RORA: variants seen among roughly 807,000 people sequenced by gnomAD.
RORA encodes the protein RAR related orphan receptor A.
A neutral mutation model predicts 69.5 loss-of-function variants in RORA; 7 were observed. The ratio of observed to expected loss-of-function variants is 0.10; its 90% confidence interval spans 0.06 to 0.19. The LOEUF is 0.19. Among genes scored for constraint, RORA ranks in the 10% least tolerant of loss-of-function variants. The pLI, the probability that RORA is intolerant of heterozygous loss-of-function variation, is 1.00. For missense variants in RORA, 457 were observed against 663.0 expected (o/e 0.69, Z 3.41); for synonymous variants, 261 against 240.8 (o/e 1.08, Z -0.78).
chr15:61,173,333 T>C (rs1194747431), intron 1 of RORA, among the ~76,000 whole-genome samples: 4 of 152,238 alleles, frequency 2.6e-5, no homozygotes, highest in Non-Finnish European at 5.9e-5. Flanking sequence ...GCAGCCTGAA[T>C]TCATCCATTC....
intron 1 of RORA, among the ~76,000 whole-genome samples, chr15:60,811,670 T>C (rs1451799037): frequency 6.6e-6 from 1 of 152,246 alleles, no homozygotes; most frequent in African/African-American, 2.4e-5. Context: ...CTTAATCCAC[T>C]GGAAAACTGA....
rs551712276 is a variant in RORA, at chr15:61,076,938, A to G, written c.166+152115T>C. On this transcript the variant is annotated intron_variant, in intron 1 of 10. Coordinates refer to ENST00000335670, the MANE Select transcript of RORA (RefSeq NM_134261.3). The stretch of plus-strand genomic sequence containing the variant: ...CCCTCTCCCTTGCTTGTTCAAAGTA[A>G]AAAAAAAAAAAGCCCTTAATTGCTT... Among the ~76,000 whole-genome samples the G allele has an allele frequency of 1.8e-4, 27 of 146,906 alleles. 1 individual carries two copies. In the South Asian group the frequency reaches 5.3e-3, roughly 29 times the overall value.
chr15:60,913,899 T>C lies in RORA; in HGVS notation c.167-235213A>G, dbSNP rs115847646. Among the ~76,000 whole-genome samples, 385 of 152,346 alleles carry C rather than the reference T, an allele frequency of 2.5e-3. 2 individuals are homozygous for C. The highest frequency in any genetic ancestry group is 8.9e-3 in the African/African-American group (369 of 41,574). On this transcript the variant is annotated intron_variant, in intron 1 of 10. Transcript: ENST00000335670. ...CCATCTCATAGTTCCCTCCAAACAA[T>C]TGACCACTCCTTTTGCCATGTCACT... is the stretch of plus-strand genomic sequence containing the variant.
intron 1 of RORA, among the ~76,000 whole-genome samples, chr15:61,049,794 G>A (rs1723656008): frequency 6.6e-6 from 1 of 152,008 alleles, no homozygotes; most frequent in East Asian, 1.9e-4. Context: ...TGAGTCGCTG[G>A]GATTATAGGC....
At chr15:60,820,141 G>A (rs1301139567) in intron 1 of RORA, among the ~76,000 whole-genome samples, 1 of 152,230 alleles carries the variant, frequency 6.6e-6, no homozygotes, top group Non-Finnish European at 1.5e-5. Context: ...ACAGGCTGAC[G>A]AGTGAGGCTG....
intron 1 of RORA, among the ~76,000 whole-genome samples, chr15:60,895,958 A>G (rs1891221895): frequency 6.6e-6 from 1 of 152,242 alleles, no homozygotes; most frequent in Admixed American, 6.5e-5. Context: ...TGCTAATCCC[A>G]AACCTTTTCA....
chr15:60,675,607 A>T (rs1318563313), intron 2 of RORA, among the ~76,000 whole-genome samples: 1 of 152,218 alleles, frequency 6.6e-6, no homozygotes, highest in Non-Finnish European at 1.5e-5. Context: ...GGAGAAACTG[A>T]GTTCTCCAAA....
chr15:61,008,201 C>CTG lies in RORA; in HGVS notation c.166+220851_166+220852insCA, dbSNP rs1388505353. Among the ~76,000 whole-genome samples, 435 of 106,682 alleles carry CTG rather than the reference C, an allele frequency of 4.1e-3. 3 individuals are homozygous for CTG. Among genetic ancestry groups the CTG allele is most frequent in the African/African-American group, 0.011 (359 of 32,042 alleles). 70.0% of individuals were successfully genotyped at this position (106,682 alleles called of 152,430 possible). A position where few individuals can be genotyped will look rare whatever the true frequency, so the allele number is the denominator to read the frequency against. On this transcript the variant is annotated intron_variant, in intron 1 of 10. Coordinates refer to ENST00000335670, the MANE Select transcript of RORA (RefSeq NM_134261.3). ...TAAAGAATTTCAAAATTCTCTCTCT[C>CTG]TCTGTGTGTGTGTGTGTGTGTGTGT...
intron 1 of RORA, among the ~76,000 whole-genome samples, chr15:60,704,984 C>T (rs1195640212): frequency 1.3e-5 from 2 of 152,084 alleles, no homozygotes; most frequent in African/African-American, 2.4e-5. Context: ...GTGTGACTGC[C>T]GAGGGTTGGC....
chr15:60,972,493 A>G lies in RORA; in HGVS notation c.166+256560T>C, dbSNP rs553598237. ...AGCTTGGAACTCACTGGTATGCATAAATTCTCCTGTTCGTTATGAGTATGG... is the reference window on the plus strand; with the variant it reads ...AGCTTGGAACTCACTGGTATGCATAGATTCTCCTGTTCGTTATGAGTATGG... On this transcript the variant is annotated intron_variant, in intron 1 of 10. Coordinates refer to ENST00000335670, the MANE Select transcript of RORA (RefSeq NM_134261.3). Among the ~76,000 whole-genome samples, 6 of 152,290 alleles carry G rather than the reference A, an allele frequency of 3.9e-5. No homozygotes were observed. In the East Asian group the frequency reaches 9.6e-4, roughly 24 times the overall value.
chr15:60,573,348 C>G (rs543762711), intron 2 of RORA, among the ~76,000 whole-genome samples: 2 of 152,316 alleles, frequency 1.3e-5, no homozygotes, highest in Non-Finnish European at 2.9e-5. Context: ...TTTCATACAT[C>G]TCTCAACACC....
At chr15:60,532,519 G>GA (rs1296595455) in intron 2 of RORA, among the ~76,000 whole-genome samples, 1 of 152,138 alleles carries the variant, frequency 6.6e-6, no homozygotes, top group Non-Finnish European at 1.5e-5. Context: ...TCCTGGTACA[G>GA]AGGGCATGTG....
intron 1 of RORA, among the ~76,000 whole-genome samples, chr15:60,681,049 AC>A (rs1436372399): frequency 6.6e-6 from 1 of 152,234 alleles, no homozygotes; most frequent in African/African-American, 2.4e-5. Context: ...ATACAAACAC[AC>A]AAAAGGCAAA....
At chr15:60,813,117 T>C (rs944354364) in intron 1 of RORA, among the ~76,000 whole-genome samples, 6 of 152,188 alleles carry the variant, frequency 3.9e-5, no homozygotes, top group Admixed American at 6.5e-5. Context: ...AAAGGCACCA[T>C]AGGAGAGAAA....
At chr15:60,582,592 G>A (rs1468386678) in intron 2 of RORA, among the ~76,000 whole-genome samples, 9 of 152,170 alleles carry the variant, frequency 5.9e-5, no homozygotes, top group Admixed American at 5.9e-4. Flanking sequence ...ACTGCGGACA[G>A]GGTGACTCAT....
Position 60,511,392 on chromosome 15 carries a change from G to A in RORA, c.654C>T (p.Val218=), listed in dbSNP as rs1460810028. ...GCTGTATGTCCAGGTAGAAGCTGCT[G>A]ACGGCGGAGTCTGCCTTACTCCCCT... The part of the protein sequence containing the change: ...TPEGSKADSA[V]SSFYLDIQPS... The change falls in exon 5 of 11, where the codon GTC becomes GTT. Residue 218 remains valine (V), a synonymous_variant. Coordinates refer to ENST00000335670, the MANE Select transcript of RORA (RefSeq NM_134261.3). The surrounding 1 kb of genome is among the most constrained non-coding windows in gnomAD (Gnocchi z 6.4). 1.2e-6 allele frequency: 2 copies of A among 1,614,212 alleles called. No individual in the cohort carries two copies. The highest frequency in any genetic ancestry group is 1.7e-5 in the Admixed American group (1 of 60,034).
chr15:61,001,416 TA>T (rs34636239), intron 1 of RORA, among the ~76,000 whole-genome samples: 18,678 of 152,278 alleles, frequency 0.12, 1,201 homozygotes, highest in Middle Eastern at 0.15. Context: ...GCTGAAATGT[TA>T]AGAGTCAGAG....
intron 1 of RORA, among the ~76,000 whole-genome samples, chr15:61,192,675 G>A (rs866650059): frequency 2.6e-5 from 4 of 152,186 alleles, no homozygotes; most frequent in Non-Finnish European, 4.4e-5. Context: ...AATGATTTAT[G>A]GAATAGATTA....
rs66616801 is a variant in RORA at position 60,613,696 on chromosome 15, CTGTGTGTGTGTGTG to C, written c.196+64947_196+64960del. ...TAATCACAAAATCTCAATTTGATAT[CTGTGTGTGTGTGTG>C]TGTGTGTGTGTGTGTGTGTGTGTGT... On this transcript the variant is annotated intron_variant, in intron 2 of 10. Transcript: ENST00000335670. Among the ~76,000 whole-genome samples, 821 of 125,358 alleles carry C rather than the reference CTGTGTGTGTGTGTG, an allele frequency of 6.5e-3. 9 individuals are homozygous for C. The highest frequency in any genetic ancestry group is 0.019 in the African/African-American group (612 of 32,476). The allele number at this position is 125,358 out of a possible 152,430, so 82.2% of individuals were successfully genotyped here.
Sources: allele counts gnomAD v4.1 joint callset (sites outside exome capture counted in the v4.1 genomes callset), GRCh38; gene constraint gnomAD v4.1.1; non-coding constraint Gnocchi (gnomAD v3.1); transcripts MANE v1.5; gene names NCBI Gene and HGNC (gene_info 2026-07-23, HGNC 2026-07-21).